The following PRKD2 variants were observed in gnomAD, a reference collection of about 807,000 sequenced individuals.
PRKD2 encodes the protein protein kinase D2.
In PRKD2, 22 loss-of-function variants were observed where a neutral mutation model predicts 86.0. That is an observed-to-expected ratio of 0.26 (90% confidence interval 0.18 to 0.37). The LOEUF (loss-of-function observed/expected upper bound fraction) is 0.37. Among genes scored for constraint, PRKD2 ranks in the 10% least tolerant of loss-of-function variants. The probability of loss-of-function intolerance (pLI) is 1.00; values close to 1 mark genes in which losing one functional copy is unlikely to be tolerated. For missense variants in PRKD2, 818 were observed against 1,199.2 expected, an observed-to-expected ratio of 0.68 and a Z score of 4.70; for synonymous variants, 509 against 510.9, an observed-to-expected ratio of 1.00 and a Z score of 0.05.
rs151039989 is a variant in PRKD2, at chr19:46,697,185, T to A, written c.1289A>T (p.Gln430Leu). The A allele has an allele frequency of 5.2e-5, 83 of 1,596,874 alleles. No individual in the cohort carries two copies. The highest frequency in any genetic ancestry group is 6.4e-5 in the Non-Finnish European group (75 of 1,164,528). The change falls in exon 9 of 18, where the codon CAG (glutamine) becomes CTG (leucine). Residue 430 changes from glutamine to leucine, a missense_variant. Around this residue, in one of 5 missense-constraint regions of PRKD2, gnomAD observed 127 missense variants for 157.8 expected, o/e 0.80. Transcript: ENST00000291281. The stretch of plus-strand genomic sequence containing the variant: ...ATAGTATCTGTTGGTCGTGTTGTTC[T>A]GGAAGAGCGTGATACACTTGCAGTC... ...RLDCKCITLF[Q>L]NNTTNRYYKE... is the part of the protein sequence containing the mutation.
Position 46,693,829 on chromosome 19 carries a change from C to G in PRKD2, c.1576+46G>C. 6.5e-7 allele frequency: 1 copy of G among 1,540,826 alleles called. No individual in the cohort carries two copies. On this transcript the variant is annotated intron_variant, in intron 10 of 17. Transcript: ENST00000291281. This position sits in a 1 kb window ranked among gnomAD's most constrained non-coding sequence, Gnocchi z 4.5. ...TTCCATTCCCCAGAACCGTGCCCCA[C>G]CCATCTAGATCTATTCTCTCAAGGA... is the stretch of plus-strand genomic sequence containing the variant.
In PRKD2 at chr19:46,704,304, C is replaced by T. The variant is rs776236498; in HGVS notation, c.754G>A (p.Glu252Lys). 2 of 1,614,074 alleles carry T rather than the reference C, an allele frequency of 1.2e-6. No homozygotes were observed. Among genetic ancestry groups the T allele is most frequent in the East Asian group, 4.5e-5 (2 of 44,898 alleles). ...TTGGAGAGCAGCATCTTGTCCAGCT[C>T]AATGGGGCGGCCCGTATACGATGAG... ...SASSYTGRPI[E>K]LDKMLLSKVK... The change falls in exon 5 of 18, where the codon GAG (glutamate) becomes AAG (lysine). Residue 252 changes from glutamate (E) to lysine (K), a missense_variant. Glu to Lys is a moderately conservative substitution (Grantham distance 56, BLOSUM62 1). Transcript: ENST00000291281.
chr19:46,703,889 A>G (rs1473782490), intron 5 of PRKD2, among the ~76,000 whole-genome samples: 2 of 151,648 alleles, frequency 1.3e-5, no homozygotes, highest in African/African-American at 2.4e-5. Flanking sequence ...AGCTGCAGTG[A>G]GCCGTGATTG....
At chr19:46,709,811 CT>C (rs1423691165) in intron 3 of PRKD2, among the ~76,000 whole-genome samples, 2 of 152,188 alleles carry the variant, frequency 1.3e-5, no homozygotes, top group African/African-American at 4.8e-5. Flanking sequence ...GAAATTCCAC[CT>C]GTGGACATCA....
chr19:46,694,352 T>C (rs1381787737), intron 9 of PRKD2, among the ~76,000 whole-genome samples: 1 of 152,144 alleles, frequency 6.6e-6, no homozygotes, highest in African/African-American at 2.4e-5. Flanking sequence ...CCCAACACTT[T>C]GGAAGGCCGA....
In PRKD2 at chr19:46,690,681, G is replaced by A. The variant is rs56144729; in HGVS notation, c.1728C>T (p.Asp576=). The change falls in exon 13 of 18, where the codon GAC becomes GAT. Residue 576 remains aspartate (D), a synonymous_variant. Coordinates refer to ENST00000291281, the MANE Select transcript of PRKD2 (RefSeq NM_016457.5). ...YGGKHRKTGR[D]VAVKVIDKLR... is the part of the protein sequence containing the mutation. The stretch of plus-strand genomic sequence containing the variant: ...GTTTGTCAATGACCTTAACTGCCAC[G>A]TCCCGGCCTGTCTTCCGGTGTTTTC... The A allele has an allele frequency of 3.9e-4, 623 of 1,614,106 alleles. 1 individual carries two copies. The African/African-American group carries it at 7.4e-3, about 19-fold the overall frequency.
chr19:46,714,483 G>GGGGC (rs2053856416), intron 1 of PRKD2: 1 of 153,374 alleles, frequency 6.5e-6, no homozygotes, highest in Non-Finnish European at 1.4e-5. Flanking sequence ...AAAGTGGGGG[G>GGGGC]GGGGGCCGGG....
chr19:46,679,800 T>G (rs537853963), intron 15 of PRKD2, among the ~76,000 whole-genome samples: 1 of 152,112 alleles, frequency 6.6e-6, no homozygotes, highest in South Asian at 2.1e-4. Context: ...AATTTTTGTA[T>G]TTTTAGTAGA....
chr19:46,702,039 T>G (rs968059324), intron 5 of PRKD2, among the ~76,000 whole-genome samples: 5 of 85,014 alleles, frequency 5.9e-5, no homozygotes, highest in South Asian at 3.7e-4. Context: ...CTGTTTTTTG[T>G]TTTTTTTTTT....
At chr19:46,686,725 G>A (rs374954760) in intron 14 of PRKD2, among the ~76,000 whole-genome samples, 333 of 151,678 alleles carry the variant, frequency 2.2e-3, no homozygotes, top group African/African-American at 7.6e-3. Context: ...GCCGAGGCGG[G>A]TGGATCACGA....
intron 12 of PRKD2, among the ~76,000 whole-genome samples, 175 bp downstream of exon 12, chr19:46,691,560 G>A (rs1269661999): frequency 6.6e-6 from 1 of 152,178 alleles, no homozygotes; most frequent in African/African-American, 2.4e-5. Flanking sequence ...TTTTCCCAAT[G>A]AGAAAAGGAG....
In PRKD2 at chr19:46,674,699, C is replaced by T; in HGVS notation, c.2461G>A (p.Gly821Arg). The change falls in exon 18 of 18, where the codon GGG becomes AGG. Residue 821 changes from glycine (G) to arginine (R), a missense_variant. By Grantham distance (125) the Gly-to-Arg change is moderately radical. Around this residue, in one of 5 missense-constraint regions of PRKD2, gnomAD observed 132 missense variants for 146.2 expected, o/e 0.90. Transcript: ENST00000291281. The part of the protein sequence containing the change: ...QTWLDLRELE[G>R]KMGERYITHE... Reference sequence around the variant, plus strand: ...GTGATGTATCGCTCTCCCATCTTCCCCTCCAGCTCTCGGAGGTCCAGCCAC... The same window carrying T: ...GTGATGTATCGCTCTCCCATCTTCCTCTCCAGCTCTCGGAGGTCCAGCCAC... The T allele has an allele frequency of 6.2e-7, 1 of 1,606,010 alleles. No homozygotes were observed. Among genetic ancestry groups the T allele is most frequent in the Non-Finnish European group, 8.5e-7 (1 of 1,179,968 alleles).
At chr19:46,688,134 C>G (rs1028267559) in intron 14 of PRKD2, among the ~76,000 whole-genome samples, 5 of 152,170 alleles carry the variant, frequency 3.3e-5, no homozygotes, top group Non-Finnish European at 7.3e-5. Context: ...AAGCGATCCT[C>G]TTGCCTTGGC....
chr19:46,697,275 T>G, intron 8 of PRKD2, 41 bp from the exon 9 acceptor site: 1 of 1,444,068 alleles, frequency 6.9e-7, no homozygotes, highest in Non-Finnish European at 9.6e-7. Flanking sequence ...CGCCAGACTT[T>G]CCTGCCCAGT....
At chr19:46,714,050 T>C in intron 1 of PRKD2, 49 bp from the exon 2 acceptor site, 1 of 1,595,742 alleles carries the variant, frequency 6.3e-7, no homozygotes, top group Non-Finnish European at 8.6e-7. Context: ...AGAGCCGCCT[T>C]CAGCAGCGGG....
intron 16 of PRKD2, among the ~76,000 whole-genome samples, chr19:46,677,636 A>G (rs1423157559): frequency 6.6e-6 from 1 of 151,990 alleles, no homozygotes; most frequent in Non-Finnish European, 1.5e-5. Flanking sequence ...AAAGTTACAG[A>G]CCCATTCCCA....
chr19:46,713,818 G>GC, intron 2 of PRKD2, 45 bp downstream of exon 2: 1 of 346,894 alleles, frequency 2.9e-6, no homozygotes, highest in Non-Finnish European at 4.3e-6. Flanking sequence ...CAGATGCCCC[G>GC]CCCCCACCCG....
Position 46,678,517 on chromosome 19 carries a change from C to A in PRKD2, c.2217G>T (p.Val739=). Residue 739 remains valine, a synonymous_variant, in exon 16 of 18, where the codon GTG becomes GTT. Coordinates refer to ENST00000291281, the MANE Select transcript of PRKD2 (RefSeq NM_016457.5). The surrounding 1 kb of genome is among the most constrained non-coding windows in gnomAD (Gnocchi z 5.7). ...NRSLDMWSVG[V]IMYVSLSGTF... is the part of the protein sequence containing the mutation. ...TGCCGCTGAGGCTGACGTACATGAT[C>A]ACGCCCACTGACCACATGTCCAGCG... 6.2e-7 allele frequency: 1 copy of A among 1,614,226 alleles called. No individual in the cohort carries two copies. Among genetic ancestry groups the A allele is most frequent in the Non-Finnish European group, 8.5e-7 (1 of 1,180,046 alleles).
At position 46,704,578 on chromosome 19, in the gene PRKD2, G is replaced by C; in HGVS notation, c.583C>G (p.Arg195Gly). 6.2e-7 allele frequency: 1 copy of C among 1,614,050 alleles called. No homozygotes were observed. Among genetic ancestry groups the C allele is most frequent in the Non-Finnish European group, 8.5e-7 (1 of 1,179,988 alleles). ...CTGGCCAGAGACGTGGATGACAGGC[G>C]CCGTTTGCGGGCCCCACTACAGTTG... ...PNNCSGARKR[R>G]LSSTSLASGH... Residue 195 changes from arginine to glycine, a missense_variant, in exon 4 of 18, where the codon CGC (arginine) becomes GGC (glycine). Physicochemically the swap from Arg to Gly is moderately radical, Grantham distance 125 (BLOSUM62 -2). This residue lies in a region of PRKD2 where 403 missense variants were observed against 518.6 expected (regional missense o/e 0.78). Coordinates refer to ENST00000291281, the MANE Select transcript of PRKD2 (RefSeq NM_016457.5).
Sources: allele counts gnomAD v4.1 joint callset (sites outside exome capture counted in the v4.1 genomes callset), GRCh38; gene constraint gnomAD v4.1.1; regional missense constraint gnomAD v4.1.1; non-coding constraint Gnocchi (gnomAD v3.1); transcripts MANE v1.5; gene names NCBI Gene and HGNC (gene_info 2026-07-23, HGNC 2026-07-21).